The following LINGO2 variants were observed in gnomAD, a reference collection of about 807,000 sequenced individuals.
LINGO2 encodes the protein leucine rich repeat and Ig domain containing 2.
A neutral mutation model predicts 30.6 loss-of-function variants in LINGO2; 14 were observed. The observed-to-expected ratio is 0.46, with a 90% CI of 0.30 to 0.72. The LOEUF is 0.72. Ranked by LOEUF, LINGO2 falls within the 30% of genes least tolerant of loss-of-function variation. The pLI, the probability that LINGO2 is intolerant of heterozygous loss-of-function variation, is 0.07. For missense variants in LINGO2, 729 were observed against 751.7 expected, an observed-to-expected ratio of 0.97 and a Z score of 0.35; for synonymous variants, 317 against 288.5, an observed-to-expected ratio of 1.10 and a Z score of -1.00.
chr9:28,706,100 C>T, the LINGO2 span, among the ~76,000 whole-genome samples: 1 of 152,034 alleles, frequency 6.6e-6, no homozygotes, highest in Non-Finnish European at 1.5e-5. Context: ...GTATTTATAA[C>T]CTCACGCTAG....
the LINGO2 span, among the ~76,000 whole-genome samples, chr9:28,938,355 A>C: frequency 2.6e-5 from 4 of 152,280 alleles, no homozygotes; most frequent in East Asian, 5.8e-4. Flanking sequence ...GAATTTTCCA[A>C]ATATTTTAAG....
the LINGO2 span, among the ~76,000 whole-genome samples, chr9:28,860,222 G>T: frequency 6.6e-6 from 1 of 152,024 alleles, no homozygotes; most frequent in Non-Finnish European, 1.5e-5. Flanking sequence ...ATTTGTCAAC[G>T]TGACTGCACC....
the LINGO2 span, among the ~76,000 whole-genome samples, chr9:28,975,641 G>A: frequency 6.6e-6 from 1 of 152,160 alleles, no homozygotes; most frequent in East Asian, 1.9e-4. Flanking sequence ...AATTATAATG[G>A]GTCTTAATAT....
intron 4 of LINGO2, among the ~76,000 whole-genome samples, chr9:28,128,366 C>T (rs1827296384): frequency 6.6e-6 from 1 of 152,004 alleles, no homozygotes; most frequent in South Asian, 2.1e-4. Context: ...ATCATCATTC[C>T]CAGATTAAAA....
intron 2 of LINGO2, among the ~76,000 whole-genome samples, chr9:28,396,307 T>C (rs1822037635): frequency 6.6e-6 from 1 of 152,166 alleles, no homozygotes; most frequent in Non-Finnish European, 1.5e-5. Flanking sequence ...CAGAGATATA[T>C]GGGACTATTT....
chr9:29,066,031 C>T, the LINGO2 span, among the ~76,000 whole-genome samples: 14 of 151,848 alleles, frequency 9.2e-5, no homozygotes, highest in Non-Finnish European at 1.5e-4. Context: ...TACTTCAGAT[C>T]TGAAATTTGT....
intron 4 of LINGO2, among the ~76,000 whole-genome samples, chr9:28,174,216 G>T (rs1049778514): frequency 2.0e-5 from 3 of 152,146 alleles, no homozygotes; most frequent in African/African-American, 7.2e-5. Context: ...TCTAAAATGA[G>T]AATCCACTCA....
chr9:28,081,974 C>A (rs1825785524), intron 4 of LINGO2, among the ~76,000 whole-genome samples: 1 of 152,126 alleles, frequency 6.6e-6, no homozygotes, highest in Non-Finnish European at 1.5e-5. Flanking sequence ...TAGCTTTTGA[C>A]AGGAGTCAAG....
the LINGO2 span, among the ~76,000 whole-genome samples, chr9:29,063,443 C>T: frequency 1.3e-5 from 2 of 151,054 alleles, no homozygotes; most frequent in African/African-American, 4.9e-5. Flanking sequence ...GCTATTGTCA[C>T]CCAGGCTGGA....
At chr9:29,039,007 T>A in the LINGO2 span, among the ~76,000 whole-genome samples, 2 of 152,156 alleles carry the variant, frequency 1.3e-5, no homozygotes, top group Non-Finnish European at 2.9e-5. Flanking sequence ...ACTACTCAAA[T>A]AATCATTAGT....
the LINGO2 span, among the ~76,000 whole-genome samples, chr9:28,773,092 G>A: frequency 7.2e-3 from 1,100 of 152,218 alleles, 16 homozygotes; most frequent in African/African-American, 0.025. Flanking sequence ...ACGGCCGGGC[G>A]CGGTGGCTCA....
chr9:28,148,773 C>T lies in LINGO2; in HGVS notation c.-86-136368G>A. 7 of 1,534,146 alleles carry T rather than the reference C, an allele frequency of 4.6e-6. No homozygotes were observed. The highest frequency in any genetic ancestry group is 6.1e-6 in the Non-Finnish European group (7 of 1,146,660). ...CCTGACCCACTTCCAACAGTGCTCC[C>T]TGCCCCAGTTCCAGGCTGCTCCCTG... On this transcript the variant is annotated intron_variant, in intron 4 of 5. Transcript: ENST00000379992. This position sits in a 1 kb window ranked among gnomAD's most constrained non-coding sequence, Gnocchi z 5.1.
the LINGO2 span, among the ~76,000 whole-genome samples, chr9:28,819,016 T>C: frequency 6.6e-6 from 1 of 152,208 alleles, no homozygotes; most frequent in Non-Finnish European, 1.5e-5. Flanking sequence ...TTGTTTTTTT[T>C]CTACCTGAGG....
intron 5 of LINGO2, among the ~76,000 whole-genome samples, chr9:28,009,489 TAAG>T (rs945348812): frequency 1.3e-5 from 2 of 152,028 alleles, no homozygotes; most frequent in East Asian, 1.9e-4. Flanking sequence ...TAAAAACTTG[TAAG>T]AAGACTATAT....
chr9:29,013,167 C>T, the LINGO2 span, among the ~76,000 whole-genome samples: 2 of 152,100 alleles, frequency 1.3e-5, no homozygotes, highest in African/African-American at 4.8e-5. Context: ...ATTTATTCAG[C>T]CAGATTCTTA....
intron 4 of LINGO2, among the ~76,000 whole-genome samples, chr9:28,076,733 A>G (rs1375669832): frequency 1.3e-5 from 2 of 152,060 alleles, no homozygotes; most frequent in Admixed American, 6.6e-5. Context: ...TTGGGTTTCA[A>G]ATTTTTGATT....
intron 4 of LINGO2, among the ~76,000 whole-genome samples, chr9:28,288,024 C>A (rs982473419): frequency 1.3e-5 from 2 of 152,144 alleles, no homozygotes; most frequent in African/African-American, 4.8e-5. Flanking sequence ...AGGCTAGAAA[C>A]CACACATTTC....
chr9:28,572,826 T>C, intron 1 of LINGO2, among the ~76,000 whole-genome samples: 1 of 152,164 alleles, frequency 6.6e-6, no homozygotes. Context: ...CTAAATATAT[T>C]GCCTTTATTC....
In LINGO2 at chr9:28,561,770, T is replaced by TATAC. The variant is rs1823093036; in HGVS notation, c.-364-85746_-364-85745insGTAT. On this transcript the variant is annotated intron_variant, in intron 1 of 5. Transcript: ENST00000379992. ...GTGTGTATATATATATATATATATA[T>TATAC]ATATATATATAAAAAATATGCTACT... is the stretch of plus-strand genomic sequence containing the variant. Among the ~76,000 whole-genome samples, 3 of 137,926 alleles carry TATAC rather than the reference T, an allele frequency of 2.2e-5. 1 individual carries two copies. In the South Asian group the frequency reaches 6.7e-4, roughly 31 times the overall value. The allele number at this position is 137,926 out of a possible 152,430, so 90.5% of individuals were successfully genotyped here.
Sources: allele counts gnomAD v4.1 joint callset (sites outside exome capture counted in the v4.1 genomes callset), GRCh38; gene constraint gnomAD v4.1.1; non-coding constraint Gnocchi (gnomAD v3.1); transcripts MANE v1.5; gene names NCBI Gene and HGNC (gene_info 2026-07-23, HGNC 2026-07-21).